SEMA6A: variants seen among roughly 807,000 people sequenced by gnomAD.
SEMA6A encodes semaphorin 6A.
SEMA6A carries 25 observed loss-of-function variants against 96.8 expected under a neutral mutation model. That is an observed-to-expected ratio of 0.26 (90% CI 0.19 to 0.36). The LOEUF (loss-of-function observed/expected upper bound fraction) is 0.36, where lower values mean the gene tolerates loss of function less well. Among genes scored for constraint, SEMA6A ranks in the 10% least tolerant of loss-of-function variants. The probability of loss-of-function intolerance (pLI) is 1.00; values close to 1 mark genes in which losing one functional copy is unlikely to be tolerated. For missense variants in SEMA6A, 1,363 were observed against 1,323.1 expected, an observed-to-expected ratio of 1.03 and a Z score of -0.47; for synonymous variants, 612 against 518.0, an observed-to-expected ratio of 1.18 and a Z score of -2.46.
chr5:116,474,303 C>CACACAT (rs1561480553), intron 16 of SEMA6A, among the ~76,000 whole-genome samples: 2 of 151,830 alleles, frequency 1.3e-5, no homozygotes, highest in African/African-American at 4.8e-5. Flanking sequence ...CACACACACA[C>CACACAT]ACACACATCT....
At chr5:116,516,150 G>C (rs1399339811) in intron 1 of SEMA6A, among the ~76,000 whole-genome samples, 1 of 152,056 alleles carries the variant, frequency 6.6e-6, no homozygotes, top group Non-Finnish European at 1.5e-5. Flanking sequence ...CAAAAATAGA[G>C]TTTCTATTTG....
chr5:116,526,440 T>C (rs982015780), intron 1 of SEMA6A, among the ~76,000 whole-genome samples: 4 of 152,170 alleles, frequency 2.6e-5, no homozygotes, highest in Non-Finnish European at 5.9e-5. Flanking sequence ...ACACCATTAG[T>C]GAACCTGGCA....
intron 18 of SEMA6A, among the ~76,000 whole-genome samples, chr5:116,453,937 AG>A (rs1255307748): frequency 2.0e-5 from 3 of 152,346 alleles, no homozygotes; most frequent in African/African-American, 7.2e-5. Context: ...CTAAATACAA[AG>A]GAAGAGCTCT....
intron 17 of SEMA6A, 157 bp from the exon 18 acceptor site, chr5:116,467,904 GT>G: frequency 3.1e-6 from 2 of 654,460 alleles, no homozygotes; most frequent in Admixed American, 2.8e-5. Context: ...GGTGGTGGTG[GT>G]GGTGGTGGTG....
At position 116,574,588 on chromosome 5, in the gene SEMA6A, C is replaced by T. The variant is rs1761390379; in HGVS notation, c.-442G>A. 1 of 102,286 alleles carries T rather than the reference C, an allele frequency of 9.8e-6. No homozygotes were observed. The highest frequency in any genetic ancestry group is 1.2e-4 in the Admixed American group (1 of 8,170). The allele number at this position is 102,286 out of a possible 1,614,324, so 6.3% of individuals were successfully genotyped here. On this transcript the variant is annotated 5_prime_UTR_variant, in exon 1 of 19. Transcript: ENST00000343348. ...CGCCGATTAACAAGTCATTTCAGGG[C>T]GGGGGGCGGGGTGGGGGCTGGGGCA...
At chr5:116,521,724 G>A (rs757479848) in intron 1 of SEMA6A, among the ~76,000 whole-genome samples, 11 of 152,178 alleles carry the variant, frequency 7.2e-5, no homozygotes, top group Middle Eastern at 3.2e-3. Flanking sequence ...ATGTCTCGGC[G>A]TAAAACAGAA....
chr5:116,559,157 C>T (rs185971882), intron 1 of SEMA6A, among the ~76,000 whole-genome samples: 3 of 152,244 alleles, frequency 2.0e-5, no homozygotes, highest in African/African-American at 7.2e-5. Flanking sequence ...GAAGAGTGGT[C>T]CCAACTGCAA....
At chr5:116,473,123 T>C (rs1442447536) in intron 16 of SEMA6A, 30 bp from the exon 17 acceptor site, 2 of 1,583,242 alleles carry the variant, frequency 1.3e-6, no homozygotes, top group Non-Finnish European at 1.7e-6. Context: ...AGAAGGTTAC[T>C]TAATGTTTTA....
intron 6 of SEMA6A, among the ~76,000 whole-genome samples, chr5:116,493,639 T>C (rs1757436767): frequency 6.6e-6 from 1 of 152,148 alleles, no homozygotes; most frequent in South Asian, 2.1e-4. Context: ...AAGTGTAAGA[T>C]GGAAGATAAG....
intron 1 of SEMA6A, among the ~76,000 whole-genome samples, chr5:116,545,968 A>C (rs1041873530): frequency 6.6e-6 from 1 of 152,244 alleles, no homozygotes; most frequent in Admixed American, 6.5e-5. Context: ...GTCAAGGGAC[A>C]CAGTAGAGCT....
At chr5:116,547,093 A>G (rs1398517929) in intron 1 of SEMA6A, among the ~76,000 whole-genome samples, 2 of 152,058 alleles carry the variant, frequency 1.3e-5, no homozygotes, top group Non-Finnish European at 2.9e-5. Context: ...TTTGCCTTTG[A>G]GTCAGATTTT....
intron 1 of SEMA6A, among the ~76,000 whole-genome samples, chr5:116,518,982 T>G (rs1363883392): frequency 6.6e-6 from 1 of 151,710 alleles, no homozygotes; most frequent in Non-Finnish European, 1.5e-5. Context: ...TAACATAGTC[T>G]TTATCTCTCC....
rs200094546 is a variant in SEMA6A at position 116,473,074 on chromosome 5, A to G, written c.1728T>C (p.Asn576=). ...GDCHNSFVAL[N]GHSSSLLPST... ...TTATGAGAGTAATATCTTCCTTACC[A>G]TTCAGTGCCACAAAGGAATCTGAAA... Residue 576 remains asparagine, a splice_region_variant and synonymous_variant, in exon 17 of 19, where the codon AAT becomes AAC. Coordinates refer to ENST00000343348, the MANE Select transcript of SEMA6A (RefSeq NM_020796.5). 3.7e-4 allele frequency: 593 copies of G among 1,594,922 alleles called. 1 individual carries two copies. In the African/African-American group the frequency reaches 7.0e-3, roughly 19 times the overall value.
chr5:116,460,914 T>G (rs1395839510), intron 18 of SEMA6A, among the ~76,000 whole-genome samples: 2 of 151,918 alleles, frequency 1.3e-5, no homozygotes, highest in Non-Finnish European at 2.9e-5. Flanking sequence ...GCTTCCCAAG[T>G]AGCTGAGATT....
chr5:116,463,298 C>T (rs1012023412), intron 18 of SEMA6A, among the ~76,000 whole-genome samples: 3 of 152,204 alleles, frequency 2.0e-5, no homozygotes, highest in African/African-American at 7.2e-5. Flanking sequence ...ATCCCTGCCA[C>T]CTAAATCATG....
At chr5:116,573,478 G>A (rs1761323261) in intron 1 of SEMA6A, among the ~76,000 whole-genome samples, 1 of 152,042 alleles carries the variant, frequency 6.6e-6, no homozygotes, top group South Asian at 2.1e-4. Flanking sequence ...GGGGCGCCGC[G>A]TCACCCGAAC....
At position 116,446,740 on chromosome 5, in the gene SEMA6A, A is replaced by T. The variant is rs1382527408; in HGVS notation, c.2966T>A (p.Leu989His). Residue 989 changes from leucine to histidine, a missense_variant, in exon 19 of 19, where the codon CTC becomes CAC. By Grantham distance (99) the Leu-to-His change is moderately conservative. Around this residue, in one of 2 missense-constraint regions of SEMA6A, gnomAD observed 883 missense variants for 763.6 expected, o/e 1.16. Coordinates refer to ENST00000343348, the MANE Select transcript of SEMA6A (RefSeq NM_020796.5). ...QAVTVSRQPS[L>H]NAYNSLTRSG... ...CCTTGTCAGTGAGTTGTAGGCGTTG[A>T]GGCTGGGCTGCCTCGAGACAGTCAC... 1 of 1,605,558 alleles carries T rather than the reference A, an allele frequency of 6.2e-7. No individual in the cohort carries two copies. The highest frequency in any genetic ancestry group is 1.1e-5 in the South Asian group (1 of 89,882).
chr5:116,492,710 A>G (rs1318379519), intron 6 of SEMA6A, among the ~76,000 whole-genome samples: 1 of 152,226 alleles, frequency 6.6e-6, no homozygotes, highest in African/African-American at 2.4e-5. Flanking sequence ...AAAAATTAAT[A>G]TAGATCAGGG....
intron 16 of SEMA6A, 80 bp downstream of exon 16, chr5:116,475,465 A>C (rs748155253): frequency 2.6e-5 from 24 of 922,374 alleles, no homozygotes; most frequent in Non-Finnish European, 3.5e-5. Context: ...ACTCAGTTCC[A>C]CATGTGAGCT....
Sources: gnomAD v4.1 joint callset for allele counts (sites outside exome capture counted in the v4.1 genomes callset) on GRCh38, gnomAD v4.1.1 for gene constraint, gnomAD v4.1.1 regional missense constraint, MANE v1.5 for transcripts, NCBI Gene and HGNC (gene_info 2026-07-23, HGNC 2026-07-21) for gene names.